The following SPPL2A variants were observed in gnomAD, a reference collection of about 807,000 sequenced individuals.
SPPL2A encodes signal peptide peptidase-like 2A.
A neutral mutation model predicts 63.8 loss-of-function variants in SPPL2A; 51 were observed. The ratio of observed to expected loss-of-function variants is 0.80; its 90% CI spans 0.64 to 1.01. The LOEUF (loss-of-function observed/expected upper bound fraction) is 1.01. Among genes scored for constraint, SPPL2A ranks in the 50% least tolerant of loss-of-function variants. The pLI, the probability that SPPL2A is intolerant of heterozygous loss-of-function variation, is 0.00. For synonymous variants in SPPL2A, 188 were observed against 205.8 expected (o/e 0.91, Z 0.74); for missense variants, 553 against 622.7 (o/e 0.89, Z 1.19).
chr15:50,748,344 C>T (rs955782191), intron 3 of SPPL2A, 142 bp from the exon 4 acceptor site: 14 of 430,668 alleles, frequency 3.3e-5, no homozygotes, highest in Non-Finnish European at 5.7e-5. Context: ...ACTCTAAGTT[C>T]TCAAAATTGA....
intron 1 of SPPL2A, among the ~76,000 whole-genome samples, chr15:50,750,515 G>C (rs781667056): frequency 2.6e-5 from 4 of 152,162 alleles, no homozygotes; most frequent in Non-Finnish European, 5.9e-5. Flanking sequence ...AAGAGAACCA[G>C]CTGGAACTTG....
At chr15:50,725,198 CT>C in intron 12 of SPPL2A, 22 bp downstream of exon 12, 1 of 1,289,018 alleles carries the variant, frequency 7.8e-7, no homozygotes, top group Non-Finnish European at 1.1e-6. Flanking sequence ...TTTTTTTTAA[CT>C]AAAATTGTTA....
chr15:50,764,725 TA>T (rs890722214), intron 1 of SPPL2A, among the ~76,000 whole-genome samples: 19 of 152,336 alleles, frequency 1.2e-4, no homozygotes, highest in African/African-American at 4.6e-4. Flanking sequence ...GGCTGAATTT[TA>T]AAACACTATT....
chr15:50,713,493 G>A (rs2062576387), intron 14 of SPPL2A, among the ~76,000 whole-genome samples: 1 of 151,724 alleles, frequency 6.6e-6, no homozygotes. Flanking sequence ...TCGAACTCCT[G>A]ACCTCAGGTG....
chr15:50,716,947 T>C (rs1338714344), intron 14 of SPPL2A, among the ~76,000 whole-genome samples: 1 of 152,186 alleles, frequency 6.6e-6, no homozygotes, highest in Non-Finnish European at 1.5e-5. Context: ...ACTTCTGAAA[T>C]GTTCAAGACT....
At chr15:50,765,413 T>A in intron 1 of SPPL2A, 55 bp downstream of exon 1, 1 of 1,402,196 alleles carries the variant, frequency 7.1e-7, no homozygotes, top group African/African-American at 1.5e-5. Context: ...GCCCCGGCCT[T>A]GGCCCCGGCC....
At chr15:50,747,677 T>C (rs1439054864) in intron 4 of SPPL2A, 49 bp from the exon 5 acceptor site, 7 of 1,419,212 alleles carry the variant, frequency 4.9e-6, no homozygotes, top group Non-Finnish European at 6.9e-6. Flanking sequence ...TTCTTTCTAC[T>C]ATAGTCATAA....
chr15:50,727,019 GTGCCTGGATAAAGTCTTTTTA>G (rs1054695865), intron 10 of SPPL2A, among the ~76,000 whole-genome samples: 40 of 152,174 alleles, frequency 2.6e-4, no homozygotes, highest in African/African-American at 8.9e-4. Flanking sequence ...TCCCTCCCTT[GTGCCTGGATAAAGTCTTTTTA>G]TGTGGGTTGT....
Position 50,736,412 on chromosome 15 carries a change from C to T in SPPL2A, c.831-210G>A, listed in dbSNP as rs1043614898. Among the ~76,000 whole-genome samples the T allele has an allele frequency of 3.9e-5, 6 of 152,256 alleles. 1 individual carries two copies. The South Asian group carries it at 1.2e-3, about 32-fold the overall frequency. Reference sequence around the variant, plus strand: ...TGATGAATAATGTACTATATCTGTGCTGTCCAATATAGTAGCTACTAGTCA... The same window carrying T: ...TGATGAATAATGTACTATATCTGTGTTGTCCAATATAGTAGCTACTAGTCA... On this transcript the variant is annotated intron_variant, in intron 7 of 14. Transcript: ENST00000261854.
At position 50,748,842 on chromosome 15, in the gene SPPL2A, G is replaced by A; in HGVS notation, c.206C>T (p.Ser69Phe). 1 of 1,592,016 alleles carries A rather than the reference G, an allele frequency of 6.3e-7. No individual in the cohort carries two copies. Among genetic ancestry groups the A allele is most frequent in the Non-Finnish European group, 8.5e-7 (1 of 1,172,248 alleles). ...ATCAGAAAGGTTGCATAGTGGTGTG[G>A]AAGTCAGATTCATCAAACTAATGGA... ...ATSISLMNLT[S>F]TPLCNLSDIP... The change falls in exon 3 of 15, where the codon TCC becomes TTC. Residue 69 changes from serine (S) to phenylalanine (F), a missense_variant. Ser to Phe is a radical substitution (Grantham distance 155). Transcript: ENST00000261854.
At chr15:50,716,500 G>C (rs1330926118) in intron 14 of SPPL2A, among the ~76,000 whole-genome samples, 1 of 152,046 alleles carries the variant, frequency 6.6e-6, no homozygotes, top group Non-Finnish European at 1.5e-5. Context: ...TAGCCTATAA[G>C]CATATATTTT....
chr15:50,742,391 CA>C (rs35768341), intron 5 of SPPL2A, among the ~76,000 whole-genome samples: 204 of 138,468 alleles, frequency 1.5e-3, no homozygotes, highest in Non-Finnish European at 1.5e-3. Context: ...ACCTCGACTC[CA>C]AAAAAAAAAA....
chr15:50,730,933 T>G (rs752898515), intron 10 of SPPL2A, 32 bp downstream of exon 10: 1 of 869,696 alleles, frequency 1.1e-6, no homozygotes, highest in Non-Finnish European at 2.0e-6. Context: ...TTTTAGCATG[T>G]TTCTTCACCC....
At chr15:50,713,123 A>G (rs1439632503) in intron 14 of SPPL2A, among the ~76,000 whole-genome samples, 1 of 152,180 alleles carries the variant, frequency 6.6e-6, no homozygotes. Context: ...AAATGACAAC[A>G]TTCAAGGTAA....
rs865882057 is a variant in SPPL2A at position 50,706,953 on chromosome 15, A to T, written c.*847T>A. On this transcript the variant is annotated 3_prime_UTR_variant, in exon 15 of 15. Coordinates refer to ENST00000261854, the MANE Select transcript of SPPL2A (RefSeq NM_032802.4). ...CAGTCTGAAGTAATTTCAGTTCTCA[A>T]GTTTATGAAAGGATTGGGTTTAAAA... The T allele has an allele frequency of 2.6e-5, 4 of 152,156 alleles. No individual in the cohort carries two copies. The South Asian group carries it at 8.3e-4, about 31-fold the overall frequency. 9.4% of individuals were successfully genotyped at this position (152,156 alleles called of 1,614,324 possible).
intron 12 of SPPL2A, among the ~76,000 whole-genome samples, chr15:50,724,150 T>G (rs1484909595): frequency 6.6e-6 from 1 of 152,200 alleles, no homozygotes; most frequent in African/African-American, 2.4e-5. Flanking sequence ...AGCTAACATG[T>G]CAACTTGCAA....
intron 1 of SPPL2A, among the ~76,000 whole-genome samples, chr15:50,762,446 C>T (rs1475550045): frequency 3.3e-5 from 5 of 151,674 alleles, no homozygotes; most frequent in African/African-American, 7.3e-5. Flanking sequence ...ACCTGCTAGG[C>T]GCTCATTTAA....
rs1011845537 is a variant in SPPL2A at position 50,707,702 on chromosome 15, T to C, written c.*98A>G. ...AAAATATATTTTTGCAAGCATATCA[T>C]TGAAGACTCTTTCAGATTGTCAATT... On this transcript the variant is annotated 3_prime_UTR_variant, in exon 15 of 15. Coordinates refer to ENST00000261854, the MANE Select transcript of SPPL2A (RefSeq NM_032802.4). 1 of 684,356 alleles carries C rather than the reference T, an allele frequency of 1.5e-6. No homozygotes were observed. The highest frequency in any genetic ancestry group is 2.5e-5 in the East Asian group (1 of 39,460). 42.4% of individuals were successfully genotyped at this position (684,356 alleles called of 1,614,324 possible).
chr15:50,756,216 C>A (rs1377564745), intron 1 of SPPL2A, among the ~76,000 whole-genome samples: 1 of 151,686 alleles, frequency 6.6e-6, no homozygotes. Flanking sequence ...AAAAAATTAG[C>A]CAGGTGTGGT....
Sources: allele counts gnomAD v4.1 joint callset (sites outside exome capture counted in the v4.1 genomes callset), GRCh38; gene constraint gnomAD v4.1.1; transcripts MANE v1.5; gene names NCBI Gene and HGNC (gene_info 2026-07-23, HGNC 2026-07-21).